The following ZFHX3 variants were observed in gnomAD, a reference collection of about 807,000 sequenced individuals.
The protein encoded by ZFHX3 is zinc finger homeobox protein 3.
A neutral mutation model predicts 279.1 loss-of-function variants in ZFHX3; 42 were observed. The ratio of observed to expected loss-of-function variants is 0.15; its 90% CI spans 0.12 to 0.19. The LOEUF (loss-of-function observed/expected upper bound fraction) is 0.19, where lower values mean the gene tolerates loss of function less well. ZFHX3 is among the 10% of genes least tolerant of loss of function. The pLI, the probability that ZFHX3 is intolerant of heterozygous loss-of-function variation, is 1.00. For synonymous variants in ZFHX3, 2,293 were observed against 1,957.8 expected (o/e 1.17, Z -4.52); for missense variants, 4,981 against 4,754.0 (o/e 1.05, Z -1.40).
intron 7 of ZFHX3, among the ~76,000 whole-genome samples, chr16:73,099,641 G>A (rs1966206413): frequency 6.7e-6 from 1 of 148,786 alleles, no homozygotes; most frequent in African/African-American, 2.5e-5. Flanking sequence ...AACCCTGGAG[G>A]CAGAGGTTGC....
chr16:73,455,416 C>G (rs187556427), intron 3 of ZFHX3, among the ~76,000 whole-genome samples: 2 of 152,258 alleles, frequency 1.3e-5, no homozygotes, highest in African/African-American at 4.8e-5. Context: ...ATGGAACATA[C>G]ATGATGGTTC....
intron 1 of ZFHX3, among the ~76,000 whole-genome samples, chr16:73,764,632 CTA>C: frequency 6.6e-6 from 1 of 152,118 alleles, no homozygotes; most frequent in Non-Finnish European, 1.5e-5. Flanking sequence ...GGAGAGCTCT[CTA>C]TGTTCGTAGT....
In ZFHX3 at chr16:72,798,278, C is replaced by T; in HGVS notation, c.4404G>A (p.Leu1468=). The change falls in exon 9 of 10, where the codon CTG becomes CTA. Residue 1468 remains leucine (L), a synonymous_variant. Transcript: ENST00000268489. ...ADIQQLYGGL[L]ANGDLLAMGD... ...CCATTGCCAGGAGGTCCCCATTGGCCAGCAGGCCACCATAAAGCTGTTGGA... is the reference window on the plus strand; with the variant it reads ...CCATTGCCAGGAGGTCCCCATTGGCTAGCAGGCCACCATAAAGCTGTTGGA... 1 of 1,614,168 alleles carries T rather than the reference C, an allele frequency of 6.2e-7. No individual in the cohort carries two copies. The highest frequency in any genetic ancestry group is 8.5e-7 in the Non-Finnish European group (1 of 1,180,040).
chr16:73,329,428 A>G (rs1392205617), intron 3 of ZFHX3, among the ~76,000 whole-genome samples: 1 of 152,228 alleles, frequency 6.6e-6, no homozygotes, highest in Non-Finnish European at 1.5e-5. Flanking sequence ...TTAGCCATTT[A>G]ATTAAAGCAA....
intron 1 of ZFHX3, among the ~76,000 whole-genome samples, chr16:73,762,515 G>C (rs746742548): frequency 1.3e-4 from 20 of 152,164 alleles, no homozygotes; most frequent in Non-Finnish European, 2.8e-4. Context: ...CTATTATAAA[G>C]ATACATGCAC....
chr16:72,948,612 C>A (rs1192208701), intron 3 of ZFHX3, among the ~76,000 whole-genome samples: 1 of 152,128 alleles, frequency 6.6e-6, no homozygotes, highest in Non-Finnish European at 1.5e-5. Flanking sequence ...ACTCCAGCCG[C>A]ACGGAGGATG....
chr16:72,869,548 G>A (rs2038104242), intron 4 of ZFHX3, among the ~76,000 whole-genome samples: 2 of 151,544 alleles, frequency 1.3e-5, no homozygotes, highest in Admixed American at 6.6e-5. Flanking sequence ...TCCATTCCTC[G>A]TTTGACACCA....
chr16:73,759,880 G>GA (rs5817876), intron 1 of ZFHX3, among the ~76,000 whole-genome samples: 38 of 145,972 alleles, frequency 2.6e-4, no homozygotes, highest in East Asian at 1.2e-3. Flanking sequence ...GGTCTTACAG[G>GA]AAAAAAAAAA....
rs757947521 is a variant in ZFHX3 at position 72,793,714 on chromosome 16, C to T, written c.8968G>A (p.Val2990Ile). 9.3e-6 allele frequency: 15 copies of T among 1,614,028 alleles called. No homozygotes were observed. Among genetic ancestry groups the T allele is most frequent in the African/African-American group, 1.3e-5 (1 of 74,904 alleles). Residue 2990 changes from valine to isoleucine, a missense_variant, in exon 9 of 10, where the codon GTT becomes ATT. Around this residue, in one of 7 missense-constraint regions of ZFHX3, gnomAD observed 168 missense variants for 249.1 expected, o/e 0.67. Transcript: ENST00000268489. The surrounding 1 kb of genome is among the most constrained non-coding windows in gnomAD (Gnocchi z 4.3). Reference sequence around the variant, plus strand: ...CGGGCATTCTGGAACCAGACCTGAACGACTCTCTTTGGCAGTCCAATGTCA... The same window carrying T: ...CGGGCATTCTGGAACCAGACCTGAATGACTCTCTTTGGCAGTCCAATGTCA... ...GNDIGLPKRV[V>I]QVWFQNARAK...
intron 1 of ZFHX3, among the ~76,000 whole-genome samples, chr16:73,846,210 A>C (rs1033810445): frequency 3.3e-5 from 5 of 152,212 alleles, no homozygotes; most frequent in African/African-American, 4.8e-5. Context: ...CAAAGAGTGA[A>C]TTTGACTGTA....
intron 1 of ZFHX3, among the ~76,000 whole-genome samples, chr16:73,795,183 G>A (rs2142319351): frequency 6.6e-6 from 1 of 152,270 alleles, no homozygotes; most frequent in African/African-American, 2.4e-5. Flanking sequence ...CTGGGAGGAG[G>A]ATCAAATACC....
intron 3 of ZFHX3, among the ~76,000 whole-genome samples, chr16:72,930,223 G>A (rs764569011): frequency 6.0e-5 from 9 of 150,854 alleles, no homozygotes; most frequent in Non-Finnish European, 1.2e-4. Context: ...AGTCTCAATA[G>A]ATAAATAAAT....
chr16:73,727,209 C>A (rs537052691), intron 1 of ZFHX3, among the ~76,000 whole-genome samples: 128 of 152,304 alleles, frequency 8.4e-4, no homozygotes, highest in Non-Finnish European at 1.6e-3. Context: ...ACAGGTGAAT[C>A]CTGGCAGGCA....
chr16:73,462,847 G>A lies in ZFHX3; in HGVS notation c.-1546-6589C>T, dbSNP rs372777779. Reference sequence around the variant, plus strand: ...CTTTGTTAAAGATTTTTGCCTCTATGTTCATGGGGCATACTGGTCTGTAGT... The same window carrying A: ...CTTTGTTAAAGATTTTTGCCTCTATATTCATGGGGCATACTGGTCTGTAGT... On this transcript the variant is annotated intron_variant, in intron 2 of 17. Transcript: ENST00000641206. 9.9e-5 allele frequency among the ~76,000 whole-genome samples: 15 copies of A among 152,190 alleles called. No individual in the cohort carries two copies. In the East Asian group the frequency reaches 2.9e-3, roughly 29 times the overall value.
At chr16:72,818,624 T>G (rs772212960) in intron 5 of ZFHX3, among the ~76,000 whole-genome samples, 8 of 152,174 alleles carry the variant, frequency 5.3e-5, no homozygotes, top group Non-Finnish European at 1.2e-4. Context: ...GTGAAGCAGA[T>G]GCACGCACAT....
At chr16:73,196,415 G>A (rs1477231494) in intron 5 of ZFHX3, among the ~76,000 whole-genome samples, 6 of 152,030 alleles carry the variant, frequency 3.9e-5, no homozygotes, top group African/African-American at 1.5e-4. Flanking sequence ...TACGGACTTC[G>A]ATACAGCCTA....
intron 1 of ZFHX3, among the ~76,000 whole-genome samples, chr16:73,724,411 T>C (rs556608081): frequency 1.3e-5 from 2 of 152,302 alleles, no homozygotes; most frequent in East Asian, 3.9e-4. Context: ...CTGGGAGATA[T>C]TTTTTTACAA....
chr16:72,875,161 G>T (rs140133762), intron 4 of ZFHX3, among the ~76,000 whole-genome samples: 112 of 152,316 alleles, frequency 7.4e-4, no homozygotes, highest in African/African-American at 2.5e-3. Flanking sequence ...CTGGCTCAGG[G>T]AACTCCCATA....
At chr16:72,859,368 T>C (rs1195618113) in intron 4 of ZFHX3, among the ~76,000 whole-genome samples, 1 of 152,188 alleles carries the variant, frequency 6.6e-6, no homozygotes, top group African/African-American at 2.4e-5. Context: ...GGGTTGCCTG[T>C]GGGTCTGGAT....
Sources: gnomAD v4.1 joint callset for allele counts (sites outside exome capture counted in the v4.1 genomes callset) on GRCh38, gnomAD v4.1.1 for gene constraint, gnomAD v4.1.1 regional missense constraint, Gnocchi (gnomAD v3.1) non-coding constraint, MANE v1.5 for transcripts, NCBI Gene and HGNC (gene_info 2026-07-23, HGNC 2026-07-21) for gene names.